Variants in ADGRG4 observed in about 807,000 individuals in gnomAD.
ADGRG4 encodes G protein-coupled receptor 112.
Under a neutral mutation model 126.2 loss-of-function variants are expected in ADGRG4, and 122 were observed. The ratio of observed to expected loss-of-function variants is 0.97; its 90% CI spans 0.83 to 1.12. The LOEUF (loss-of-function observed/expected upper bound fraction) is 1.12, where lower values mean the gene tolerates loss of function less well. Ranked by LOEUF, ADGRG4 falls within the 50% of genes most tolerant of loss-of-function variation. The pLI is 0.00. For synonymous variants in ADGRG4, 943 were observed against 838.7 expected (o/e 1.12, Z -2.15); for missense variants, 2,481 against 2,251.8 (o/e 1.10, Z -2.06).
chrX:136,371,836 C>T (rs948667147), intron 14 of ADGRG4, among the ~76,000 whole-genome samples: 1 of 111,420 alleles, frequency 9.0e-6, no homozygotes, highest in Non-Finnish European at 1.9e-5. Flanking sequence ...AAATACGACC[C>T]TATTTTATAT....
chrX:136,357,275 A>AC (rs199654779), intron 9 of ADGRG4, among the ~76,000 whole-genome samples: 1,876 of 111,933 alleles, frequency 0.017, 35 homozygotes, highest in African/African-American at 0.058. Context: ...CCTCATCTGT[A>AC]AGATGAGGAC....
intron 4 of ADGRG4, among the ~76,000 whole-genome samples, chrX:136,314,464 C>A (rs2074792637): frequency 9.0e-6 from 1 of 111,689 alleles, no homozygotes; most frequent in African/African-American, 3.3e-5. Flanking sequence ...ACACCAAGCA[C>A]AGTCCCACCA....
At position 136,347,517 on chromosome X, in the gene ADGRG4, A is replaced by T. The variant is rs959905022; in HGVS notation, c.3811A>T (p.Thr1271Ser). Reference protein sequence around the residue: ...MTISLGKTPRTMEVTEMSPSK... With the variant: ...MTISLGKTPRSMEVTEMSPSK... The stretch of plus-strand genomic sequence containing the variant: ...CATATCCCTGGGAAAAACCCCTAGA[A>T]CTATGGAGGTGACAGAAATGTCCCC... Residue 1271 changes from threonine to serine, a missense_variant, in exon 6 of 26, where the codon ACT becomes TCT. Thr to Ser is a moderately conservative substitution (Grantham distance 58, BLOSUM62 1). Transcript: ENST00000394143. The T allele has an allele frequency of 1.7e-6, 2 of 1,209,740 alleles. No homozygotes were observed. The highest frequency in any genetic ancestry group is 1.7e-5 in the African/African-American group (1 of 57,802).
chrX:136,381,694 A>G (rs1427175030), intron 15 of ADGRG4, among the ~76,000 whole-genome samples: 1 of 111,238 alleles, frequency 9.0e-6, no homozygotes, highest in Non-Finnish European at 1.9e-5. Flanking sequence ...ATATATGTAT[A>G]TAAATACACA....
chrX:136,392,074 G>A (rs1194888110), intron 16 of ADGRG4, among the ~76,000 whole-genome samples, 158 bp from the exon 17 acceptor site: 1 of 112,401 alleles, frequency 8.9e-6, no homozygotes, highest in Non-Finnish European at 1.9e-5. Context: ...TGTGAAGACA[G>A]GAGATGAGCT....
intron 1 of ADGRG4, among the ~76,000 whole-genome samples, chrX:136,303,342 A>G (rs1391700060): frequency 9.0e-6 from 1 of 110,948 alleles, no homozygotes; most frequent in Non-Finnish European, 1.9e-5. Context: ...GGTCACAGCT[A>G]CTCTGGAGGC....
At chrX:136,336,436 G>A (rs1024238790) in intron 5 of ADGRG4, among the ~76,000 whole-genome samples, 2 of 111,616 alleles carry the variant, frequency 1.8e-5, no homozygotes, top group Non-Finnish European at 3.8e-5. Flanking sequence ...TGTTGAGACA[G>A]GGGTGTTAAA....
chrX:136,392,493 G>A, intron 17 of ADGRG4, 139 bp downstream of exon 17: 2 of 505,707 alleles, frequency 4.0e-6, no homozygotes, highest in South Asian at 6.0e-5. Flanking sequence ...GCAAATGTGT[G>A]TTATAATTGG....
At chrX:136,338,892 G>A (rs376052517) in intron 5 of ADGRG4, among the ~76,000 whole-genome samples, 42 of 111,808 alleles carry the variant, frequency 3.8e-4, no homozygotes, top group African/African-American at 1.4e-3. Context: ...CCATTTTTGT[G>A]GGCTGTGCTT....
chrX:136,353,156 G>A (rs1218656287), intron 7 of ADGRG4, among the ~76,000 whole-genome samples, 181 bp from the exon 8 acceptor site: 1 of 111,455 alleles, frequency 9.0e-6, no homozygotes, highest in East Asian at 2.8e-4. Context: ...GTTTTGGAAA[G>A]ACACAATTCA....
chrX:136,338,161 C>CTT lies in ADGRG4; in HGVS notation c.686-6219_686-6218dup, dbSNP rs370805966. On this transcript the variant is annotated intron_variant, in intron 5 of 25. Coordinates refer to ENST00000394143, the MANE Select transcript of ADGRG4 (RefSeq NM_153834.4). ...TCATTCTATAATTTCCACTTGGTTCCTTTTTTTTTTTTTCAATACAGAGTC... is the reference window on the plus strand; with the variant it reads ...TCATTCTATAATTTCCACTTGGTTCCTTTTTTTTTTTTTTTCAATACAGAGTC... 4.9e-3 allele frequency among the ~76,000 whole-genome samples: 461 copies of CTT among 93,463 alleles called. 5 individuals are homozygous for CTT. The highest frequency in any genetic ancestry group is 0.017 in the African/African-American group (436 of 25,868). 81.2% of individuals were successfully genotyped at this position (93,463 alleles called of 115,157 possible). A position where few individuals can be genotyped will look rare whatever the true frequency, so the allele number is the denominator to read the frequency against.
chrX:136,345,335 C>A lies in ADGRG4; in HGVS notation c.1629C>A (p.Ala543=). The A allele has an allele frequency of 8.3e-7, 1 of 1,210,349 alleles. No individual in the cohort carries two copies. The highest frequency in any genetic ancestry group is 1.1e-6 in the Non-Finnish European group (1 of 894,455). ...TCTCTTTACCCAGAGTGGAAGATGC[C>A]ATGTCTACTTCCATGTCGAAAGAGA... is the stretch of plus-strand genomic sequence containing the variant. ...QDVSLPRVED[A]MSTSMSKETS... is the part of the protein sequence containing the mutation. The change falls in exon 6 of 26, where the codon GCC becomes GCA. Residue 543 remains alanine, a synonymous_variant. Transcript: ENST00000394143.
At position 136,344,829 on chromosome X, in the gene ADGRG4, T is replaced by C; in HGVS notation, c.1123T>C (p.Ser375Pro). The C allele has an allele frequency of 8.3e-7, 1 of 1,207,945 alleles. No individual in the cohort carries two copies. Among genetic ancestry groups the C allele is most frequent in the East Asian group, 3.0e-5 (1 of 33,842 alleles). The change falls in exon 6 of 26, where the codon TCC becomes CCC. Residue 375 changes from serine to proline, a missense_variant. Coordinates refer to ENST00000394143, the MANE Select transcript of ADGRG4 (RefSeq NM_153834.4). The part of the protein sequence containing the change: ...FQPPTPSNFL[S>P]TSRFTKNSVV... ...ACCACCTACACCTTCTAATTTCCTA[T>C]CCACATCCAGATTTACCAAGAATTC...
chrX:136,334,174 C>G (rs1342961377), intron 5 of ADGRG4, among the ~76,000 whole-genome samples: 1 of 104,386 alleles, frequency 9.6e-6, no homozygotes, highest in African/African-American at 3.5e-5. Context: ...CTATTGATGT[C>G]CAGTTGCTTC....
chrX:136,306,072 A>G (rs748269482), intron 3 of ADGRG4: 11 of 111,980 alleles, frequency 9.8e-5, no homozygotes, highest in Admixed American at 1.9e-4. Flanking sequence ...TCTCCTGTTT[A>G]GTACTTCTTT....
At chrX:136,305,954 C>T (rs1002193005) in intron 3 of ADGRG4, 1 of 111,388 alleles carries the variant, frequency 9.0e-6, no homozygotes, top group South Asian at 3.8e-4. Flanking sequence ...TGCTACAAGC[C>T]GCAAAAAGAG....
At chrX:136,405,249 T>C (rs2148499792) in intron 22 of ADGRG4, among the ~76,000 whole-genome samples, 1 of 109,265 alleles carries the variant, frequency 9.2e-6, no homozygotes, top group African/African-American at 3.4e-5. Flanking sequence ...TTCACTGTGA[T>C]ATTTATCATG....
rs1468208736 is a variant in ADGRG4 at position 136,348,444 on chromosome X, G to T, written c.4738G>T (p.Asp1580Tyr). 1.7e-6 allele frequency: 2 copies of T among 1,208,979 alleles called. No individual in the cohort carries two copies. Among genetic ancestry groups the T allele is most frequent in the Admixed American group, 4.3e-5 (2 of 45,983 alleles). ...TTTCACACCTGCAACAGTCTCTTCT[G>T]ACACTTCCACAAGAGTTGGGTTATT... ...SAFTPATVSS[D>Y]TSTRVGLFST... is the part of the protein sequence containing the mutation. The change falls in exon 6 of 26, where the codon GAC (aspartate) becomes TAC (tyrosine). Residue 1580 changes from aspartate (D) to tyrosine (Y), a missense_variant. Transcript: ENST00000394143.
At chrX:136,380,529 TG>T (rs2075253068) in intron 15 of ADGRG4, among the ~76,000 whole-genome samples, 2 of 86,345 alleles carry the variant, frequency 2.3e-5, no homozygotes, top group Admixed American at 1.1e-4. Context: ...CTGCTGCTGC[TG>T]CCTCCTCCTC....
Sources: gnomAD v4.1 joint callset for allele counts (sites outside exome capture counted in the v4.1 genomes callset) on GRCh38, gnomAD v4.1.1 for gene constraint, MANE v1.5 for transcripts, NCBI Gene and HGNC (gene_info 2026-07-23, HGNC 2026-07-21) for gene names.